CNTN5: variants seen among roughly 807,000 people sequenced by gnomAD.
CNTN5 encodes contactin-5.
In CNTN5, 77 loss-of-function variants were observed where a neutral mutation model predicts 129.1. The ratio of observed to expected loss-of-function variants is 0.60; its 90% CI spans 0.50 to 0.72. The LOEUF is 0.72. Ranked by LOEUF, CNTN5 falls within the 30% of genes least tolerant of loss-of-function variation. The pLI is 0.00. For missense variants in CNTN5, 1,478 were observed against 1,328.8 expected, an observed-to-expected ratio of 1.11 and a Z score of -1.75; for synonymous variants, 509 against 465.6, an observed-to-expected ratio of 1.09 and a Z score of -1.20.
intron 3 of CNTN5, among the ~76,000 whole-genome samples, chr11:99,750,341 A>C (rs1025732514): frequency 1.3e-5 from 2 of 152,172 alleles, no homozygotes; most frequent in African/African-American, 4.8e-5. Context: ...AGAGAATTTC[A>C]GTGATTATAG....
In CNTN5 at chr11:100,352,479, C is replaced by CA. The variant is rs778873152; in HGVS notation, c.3199+1616dup. 5.3e-5 allele frequency among the ~76,000 whole-genome samples: 8 copies of CA among 151,354 alleles called. 1 individual carries two copies. The East Asian group carries it at 5.8e-4, about 11-fold the overall frequency. On this transcript the variant is annotated intron_variant, in intron 24 of 24. Transcript: ENST00000524871. ...TATCTGCAATTCATTTCAAATGTTTCAAAAAAATGTATATATGTACAGAAA... is the reference window on the plus strand; with the variant it reads ...TATCTGCAATTCATTTCAAATGTTTCAAAAAAAATGTATATATGTACAGAAA...
chr11:99,702,213 G>C (rs967970871), intron 3 of CNTN5, among the ~76,000 whole-genome samples: 2 of 150,888 alleles, frequency 1.3e-5, no homozygotes, highest in Non-Finnish European at 3.0e-5. Context: ...CCAGTTTATT[G>C]TAAATGTTGC....
intron 3 of CNTN5, among the ~76,000 whole-genome samples, chr11:99,736,492 A>G (rs1051071430): frequency 6.6e-6 from 1 of 152,178 alleles, no homozygotes; most frequent in African/African-American, 2.4e-5. Flanking sequence ...AGGCCTCAAA[A>G]TGGGGTCAAA....
At chr11:99,160,770 C>T (rs1860570489) in intron 1 of CNTN5, among the ~76,000 whole-genome samples, 1 of 152,032 alleles carries the variant, frequency 6.6e-6, no homozygotes, top group African/African-American at 2.4e-5. Context: ...GAATTTGACC[C>T]AAGGAGTTCA....
intron 1 of CNTN5, among the ~76,000 whole-genome samples, chr11:99,221,145 C>T (rs72998291): frequency 0.036 from 5,463 of 151,890 alleles, 137 homozygotes; most frequent in Middle Eastern, 0.071. Context: ...TATTAAACTC[C>T]CTGTCACTGT....
intron 1 of CNTN5, among the ~76,000 whole-genome samples, chr11:99,253,763 G>A (rs577140265): frequency 8.9e-4 from 135 of 151,178 alleles, no homozygotes; most frequent in African/African-American, 3.1e-3. Context: ...CTCGTTCCTC[G>A]TGTGCATATA....
At chr11:99,214,880 A>C (rs1490989781) in intron 1 of CNTN5, among the ~76,000 whole-genome samples, 1 of 152,108 alleles carries the variant, frequency 6.6e-6, no homozygotes, top group Non-Finnish European at 1.5e-5. Flanking sequence ...TCTGCCAGTC[A>C]TCATCTTTAT....
intron 3 of CNTN5, among the ~76,000 whole-genome samples, chr11:99,609,841 G>A (rs1171532255): frequency 6.6e-6 from 1 of 152,042 alleles, no homozygotes; most frequent in Non-Finnish European, 1.5e-5. Flanking sequence ...AGTTCTTTTT[G>A]CAAGGTCCTT....
chr11:99,803,747 G>C (rs1342926046), intron 3 of CNTN5, among the ~76,000 whole-genome samples: 1 of 152,162 alleles, frequency 6.6e-6, no homozygotes, highest in Non-Finnish European at 1.5e-5. Flanking sequence ...AATCACAGAG[G>C]GTGGCTGTAT....
At chr11:99,694,697 G>T (rs1237441200) in intron 3 of CNTN5, among the ~76,000 whole-genome samples, 1 of 151,908 alleles carries the variant, frequency 6.6e-6, no homozygotes, top group East Asian at 1.9e-4. Flanking sequence ...AGTCAGCAGT[G>T]TGTGATGTTC....
intron 3 of CNTN5, among the ~76,000 whole-genome samples, chr11:99,813,083 G>A (rs940614679): frequency 5.3e-5 from 8 of 151,988 alleles, no homozygotes; most frequent in African/African-American, 1.9e-4. Context: ...ATCATTTGTG[G>A]TTTATTCATG....
At chr11:99,651,144 A>G (rs1365738125) in intron 3 of CNTN5, among the ~76,000 whole-genome samples, 1 of 151,994 alleles carries the variant, frequency 6.6e-6, no homozygotes, top group Non-Finnish European at 1.5e-5. Context: ...TGCAAGATAC[A>G]GGTGAATAAT....
At chr11:100,260,699 T>A (rs544711176) in intron 17 of CNTN5, among the ~76,000 whole-genome samples, 10 of 152,118 alleles carry the variant, frequency 6.6e-5, no homozygotes, top group Non-Finnish European at 4.4e-5. Flanking sequence ...AAAAACCACA[T>A]GATTATCTCA....
chr11:99,785,188 G>A (rs547599412), intron 3 of CNTN5, among the ~76,000 whole-genome samples: 1 of 152,114 alleles, frequency 6.6e-6, no homozygotes, highest in South Asian at 2.1e-4. Context: ...ATGTTTATTG[G>A]CCACATAAAT....
intron 3 of CNTN5, among the ~76,000 whole-genome samples, chr11:99,697,211 G>A (rs749246779): frequency 2.0e-5 from 3 of 151,802 alleles, no homozygotes; most frequent in South Asian, 2.1e-4. Flanking sequence ...GCTGTTCAAC[G>A]CTTAAAGAAA....
intron 1 of CNTN5, among the ~76,000 whole-genome samples, chr11:99,268,899 A>G (rs1863033030): frequency 6.6e-6 from 1 of 151,956 alleles, no homozygotes; most frequent in South Asian, 2.1e-4. Flanking sequence ...CCTGCTGTGA[A>G]AGGATAGTAA....
intron 15 of CNTN5, among the ~76,000 whole-genome samples, chr11:100,213,135 T>C (rs542643492): frequency 1.3e-5 from 2 of 152,282 alleles, no homozygotes; most frequent in African/African-American, 4.8e-5. Context: ...CTCTGTATAA[T>C]AGATCAGCAT....
intron 1 of CNTN5, among the ~76,000 whole-genome samples, chr11:99,043,524 T>C (rs560150973): frequency 5.3e-5 from 8 of 152,294 alleles, no homozygotes; most frequent in Non-Finnish European, 1.2e-4. Context: ...TGCCTTATAA[T>C]TGAGGAATGG....
rs572224348 is a variant in CNTN5 at position 99,638,835 on chromosome 11, A to G, written c.55+82566A>G. On this transcript the variant is annotated intron_variant, in intron 3 of 24. Coordinates refer to ENST00000524871, the MANE Select transcript of CNTN5 (RefSeq NM_014361.4). ...CAGCTGCTTTCACGGGCTGCGTTTG[A>G]GTGTCTGTGGCTTTTCCAGGTGCAT... Among the ~76,000 whole-genome samples, 7 of 152,084 alleles carry G rather than the reference A, an allele frequency of 4.6e-5. No individual in the cohort carries two copies. The South Asian group carries it at 1.5e-3, about 32-fold the overall frequency.
Sources: gnomAD v4.1 joint callset for allele counts (sites outside exome capture counted in the v4.1 genomes callset) on GRCh38, gnomAD v4.1.1 for gene constraint, MANE v1.5 for transcripts, NCBI Gene and HGNC (gene_info 2026-07-23, HGNC 2026-07-21) for gene names.